TTC29: variants seen among roughly 807,000 people sequenced by gnomAD.
TTC29 encodes the protein tetratricopeptide repeat protein 29.
In TTC29, 49 loss-of-function variants were observed where a neutral mutation model predicts 58.1. The ratio of observed to expected loss-of-function variants is 0.84; its 90% CI spans 0.67 to 1.07. The LOEUF is 1.07. Ranked by LOEUF, TTC29 falls within the 50% of genes least tolerant of loss-of-function variation. The probability of loss-of-function intolerance (pLI) is 0.00; values close to 1 mark genes in which losing one functional copy is unlikely to be tolerated. For synonymous variants in TTC29, 209 were observed against 196.8 expected, an observed-to-expected ratio of 1.06 and a Z score of -0.52; for missense variants, 582 against 555.6, an observed-to-expected ratio of 1.05 and a Z score of -0.48.
At chr4:146,892,775 C>G (rs1732471743) in intron 6 of TTC29, among the ~76,000 whole-genome samples, 1 of 152,152 alleles carries the variant, frequency 6.6e-6, no homozygotes. Context: ...GACTTTATAT[C>G]TAGAAAACCC....
intron 4 of TTC29, among the ~76,000 whole-genome samples, chr4:146,916,637 A>C (rs13138511): frequency 0.28 from 42,871 of 151,202 alleles, 6,473 homozygotes; most frequent in South Asian, 0.41. Flanking sequence ...AATTTACATG[A>C]TTTCCAATGA....
chr4:146,930,677 T>C (rs1015943046), intron 4 of TTC29, among the ~76,000 whole-genome samples: 9 of 152,188 alleles, frequency 5.9e-5, no homozygotes, highest in Non-Finnish European at 1.3e-4. Flanking sequence ...TTTTTAATCT[T>C]CCCTGTTTTC....
At chr4:146,809,830 C>T (rs1218261580) in intron 10 of TTC29, among the ~76,000 whole-genome samples, 1 of 149,616 alleles carries the variant, frequency 6.7e-6, no homozygotes, top group East Asian at 2.0e-4. Flanking sequence ...GTAAATTAGT[C>T]CAACCATTGC....
intron 9 of TTC29, among the ~76,000 whole-genome samples, chr4:146,826,872 T>C (rs891579864): frequency 1.4e-5 from 2 of 138,822 alleles, no homozygotes; most frequent in African/African-American, 2.9e-5. Context: ...CTTCAAACTC[T>C]GATATGCTTT....
At position 146,775,545 on chromosome 4, in the gene TTC29, T is replaced by C. The variant is rs548867333; in HGVS notation, c.1330+27912A>G. On this transcript the variant is annotated intron_variant, in intron 11 of 12. Transcript: ENST00000325106. ...ATATGAAATTCTTGGTTGAAATTTCTTTTTTTTTTTTTTTAAGAATGCTGA... is the reference window on the plus strand; with the variant it reads ...ATATGAAATTCTTGGTTGAAATTTCCTTTTTTTTTTTTTTAAGAATGCTGA... 4.4e-5 allele frequency among the ~76,000 whole-genome samples: 6 copies of C among 137,244 alleles called. No homozygotes were observed. In the South Asian group the frequency reaches 1.4e-3, roughly 31 times the overall value. 90.0% of individuals were successfully genotyped at this position (137,244 alleles called of 152,430 possible). A position where few individuals can be genotyped will look rare whatever the true frequency, so the allele number is the denominator to read the frequency against.
At chr4:146,843,401 A>G (rs975684481) in intron 8 of TTC29, among the ~76,000 whole-genome samples, 4 of 152,168 alleles carry the variant, frequency 2.6e-5, no homozygotes, top group Non-Finnish European at 5.9e-5. Flanking sequence ...ATAATTATTA[A>G]TATTGATCAT....
rs528567926 is a variant in TTC29, at chr4:146,752,669, A to C, written c.1331-45118T>G. ...TCAAACTATACTACAAGGCTACAGT[A>C]ACCAAAACAGCATGGTACTGGTACC... On this transcript the variant is annotated intron_variant, in intron 11 of 12. Coordinates refer to ENST00000325106, the MANE Select transcript of TTC29 (RefSeq NM_031956.4). Among the ~76,000 whole-genome samples the C allele has an allele frequency of 2.6e-5, 4 of 152,238 alleles. No individual in the cohort carries two copies. In the East Asian group the frequency reaches 7.7e-4, roughly 29 times the overall value.
At chr4:146,776,820 A>G (rs1748135063) in intron 11 of TTC29, among the ~76,000 whole-genome samples, 1 of 152,322 alleles carries the variant, frequency 6.6e-6, no homozygotes, top group African/African-American at 2.4e-5. Flanking sequence ...CTGTGTGCTC[A>G]TTGTGGCAGT....
At chr4:146,817,740 G>T (rs536098533) in intron 10 of TTC29, among the ~76,000 whole-genome samples, 1 of 152,242 alleles carries the variant, frequency 6.6e-6, no homozygotes, top group South Asian at 2.1e-4. Context: ...CAGAGATATA[G>T]ATCAATGGAA....
At chr4:146,852,551 C>T (rs1196614727) in intron 8 of TTC29, among the ~76,000 whole-genome samples, 2 of 152,244 alleles carry the variant, frequency 1.3e-5, no homozygotes, top group African/African-American at 2.4e-5. Context: ...TCCAGCCTGG[C>T]TGCATGCATT....
intron 6 of TTC29, among the ~76,000 whole-genome samples, chr4:146,890,877 G>A (rs1318378255): frequency 6.6e-6 from 1 of 152,064 alleles, no homozygotes; most frequent in African/African-American, 2.4e-5. Flanking sequence ...TAATGCCAAT[G>A]GGAGCAGAGT....
At chr4:146,804,079 G>C (rs1452619025) in intron 10 of TTC29, among the ~76,000 whole-genome samples, 1 of 152,128 alleles carries the variant, frequency 6.6e-6, no homozygotes, top group African/African-American at 2.4e-5. Context: ...TTAGACAGTG[G>C]GTGCAGCCCA....
chr4:146,942,663 C>A, intron 2 of TTC29: 1 of 1,526,020 alleles, frequency 6.6e-7, no homozygotes, highest in South Asian at 1.2e-5. Context: ...CATCTAAGTT[C>A]TTAACCCACA....
chr4:146,794,607 C>A (rs1258462672), intron 11 of TTC29, among the ~76,000 whole-genome samples: 1 of 151,910 alleles, frequency 6.6e-6, no homozygotes, highest in Non-Finnish European at 1.5e-5. Context: ...TTTCATTTTT[C>A]CCCACTGATA....
At chr4:146,861,001 C>T (rs1730197290) in intron 8 of TTC29, among the ~76,000 whole-genome samples, 1 of 152,080 alleles carries the variant, frequency 6.6e-6, no homozygotes, top group Non-Finnish European at 1.5e-5. Flanking sequence ...AAATATCAAT[C>T]TGTTGAATTT....
At chr4:146,751,039 A>G (rs968392826) in intron 11 of TTC29, among the ~76,000 whole-genome samples, 2 of 152,212 alleles carry the variant, frequency 1.3e-5, no homozygotes. Flanking sequence ...CATAAATGGT[A>G]ACCAAAAAAG....
intron 4 of TTC29, among the ~76,000 whole-genome samples, chr4:146,924,009 C>T (rs1482058330): frequency 6.6e-6 from 1 of 151,638 alleles, no homozygotes; most frequent in Non-Finnish European, 1.5e-5. Flanking sequence ...ATAAAAGGAA[C>T]ATTTCAATTC....
intron 8 of TTC29, 39 bp downstream of exon 8, chr4:146,867,455 AAAAT>A (rs1203450373): frequency 2.0e-6 from 2 of 982,284 alleles, no homozygotes; most frequent in Non-Finnish European, 2.9e-6. Flanking sequence ...TAAATATACT[AAAAT>A]AAAAATTAAA....
chr4:146,858,199 T>C (rs2150194609), intron 8 of TTC29, among the ~76,000 whole-genome samples: 1 of 152,350 alleles, frequency 6.6e-6, no homozygotes, highest in East Asian at 1.9e-4. Flanking sequence ...AGTATTGTTA[T>C]TTCACAAATG....
Sources: allele counts gnomAD v4.1 joint callset (sites outside exome capture counted in the v4.1 genomes callset), GRCh38; gene constraint gnomAD v4.1.1; transcripts MANE v1.5; gene names NCBI Gene and HGNC (gene_info 2026-07-23, HGNC 2026-07-21).